Variants in KPNB1 observed in about 807,000 individuals in gnomAD.
KPNB1 encodes karyopherin subunit beta 1.
Under a neutral mutation model 113.0 loss-of-function variants are expected in KPNB1, and 7 were observed. That is an observed-to-expected ratio of 0.06 (90% CI 0.04 to 0.12). The LOEUF (loss-of-function observed/expected upper bound fraction) is 0.12. Ranked by LOEUF, KPNB1 falls within the 10% of genes least tolerant of loss-of-function variation. The pLI, the probability that KPNB1 is intolerant of heterozygous loss-of-function variation, is 1.00. For synonymous variants in KPNB1, 363 were observed against 378.6 expected, an observed-to-expected ratio of 0.96 and a Z score of 0.48; for missense variants, 400 against 1,054.8, an observed-to-expected ratio of 0.38 and a Z score of 8.60.
intron 6 of KPNB1, among the ~76,000 whole-genome samples, chr17:47,661,556 C>A (rs1033343612): frequency 6.6e-6 from 1 of 152,148 alleles, no homozygotes; most frequent in African/African-American, 2.4e-5. Flanking sequence ...GAGCCAAGAT[C>A]ATGCCACTGC....
chr17:47,663,413 C>T (rs537302477), intron 7 of KPNB1, among the ~76,000 whole-genome samples: 53 of 152,274 alleles, frequency 3.5e-4, no homozygotes, highest in Admixed American at 1.6e-3. Flanking sequence ...CCTGTAATCC[C>T]AGCACTTTGG....
intron 6 of KPNB1, 45 bp downstream of exon 6, chr17:47,661,223 G>A (rs1183382361): frequency 1.4e-6 from 2 of 1,396,680 alleles, no homozygotes; most frequent in African/African-American, 2.8e-5. Context: ...ATCTTTCTTA[G>A]GAAATGTCAA....
At chr17:47,682,296 A>G in intron 21 of KPNB1, 108 bp from the exon 22 acceptor site, 1 of 747,906 alleles carries the variant, frequency 1.3e-6, no homozygotes. Context: ...TGAAATGTTG[A>G]CAAATTCCAT....
In KPNB1 at chr17:47,650,107, A is replaced by G; in HGVS notation, c.-138A>G. On this transcript the variant is annotated 5_prime_UTR_variant, in exon 1 of 22. The change abolishes an upstream ATG in the 5' untranslated region. Transcript: ENST00000290158. ...CCGACTACCCAGACAGAGCCGGTGAATGGGTTTGTGGTGACCCCCGCCCCC... is the reference window on the plus strand; with the variant it reads ...CCGACTACCCAGACAGAGCCGGTGAGTGGGTTTGTGGTGACCCCCGCCCCC... 7.3e-7 allele frequency: 1 copy of G among 1,369,202 alleles called. No individual in the cohort carries two copies. Among genetic ancestry groups the G allele is most frequent in the Non-Finnish European group, 9.4e-7 (1 of 1,062,272 alleles). The allele number at this position is 1,369,202 out of a possible 1,614,324, so 84.8% of individuals were successfully genotyped here. A position where few individuals can be genotyped will look rare whatever the true frequency, so the allele number is the denominator to read the frequency against.
chr17:47,652,338 A>G (rs1048777985), intron 2 of KPNB1, among the ~76,000 whole-genome samples: 4 of 152,208 alleles, frequency 2.6e-5, no homozygotes, highest in Non-Finnish European at 4.4e-5. Context: ...TTCTTGGGAC[A>G]CCTCAGTATA....
chr17:47,652,395 G>A (rs1314940887), intron 2 of KPNB1, among the ~76,000 whole-genome samples: 4 of 152,054 alleles, frequency 2.6e-5, no homozygotes, highest in African/African-American at 4.8e-5. Flanking sequence ...CTTGCAATTC[G>A]GGGGTCTAAC....
At chr17:47,664,034 C>G (rs961988195) in intron 7 of KPNB1, 125 bp from the exon 8 acceptor site, 12 of 591,698 alleles carry the variant, frequency 2.0e-5, no homozygotes, top group East Asian at 1.2e-4. Context: ...TCTTTTCTTT[C>G]AAGCCTAGCT....
chr17:47,663,829 AC>A (rs892008106), intron 7 of KPNB1, among the ~76,000 whole-genome samples: 2 of 151,122 alleles, frequency 1.3e-5, no homozygotes, highest in African/African-American at 4.9e-5. Context: ...TACAAAAAAT[AC>A]AAAAATAAGC....
In KPNB1 at chr17:47,683,077, A is replaced by G. The variant is rs2030832332; in HGVS notation, c.*673A>G. 7.8e-6 allele frequency: 1 copy of G among 127,720 alleles called. No homozygotes were observed. Among genetic ancestry groups the G allele is most frequent in the African/African-American group, 2.9e-5 (1 of 34,156 alleles). The allele number at this position is 127,720 out of a possible 1,614,324, so 7.9% of individuals were successfully genotyped here. ...TAACCGAAGTTTTGTTTACTGATGC[A>G]GCACAAGAGATGTAAAAAAAAAAAA... On this transcript the variant is annotated 3_prime_UTR_variant, in exon 22 of 22. Transcript: ENST00000290158.
rs1336456031 is a variant in KPNB1 at position 47,650,167 on chromosome 17, C to G, written c.-78C>G. ...CTCCCTTCCCACCCGACCCCCAACCCCCATCCCCAGTTCGAGCCGCCGCCC... is the reference window on the plus strand; with the variant it reads ...CTCCCTTCCCACCCGACCCCCAACCGCCATCCCCAGTTCGAGCCGCCGCCC... On this transcript the variant is annotated 5_prime_UTR_variant, in exon 1 of 22. Coordinates refer to ENST00000290158, the MANE Select transcript of KPNB1 (RefSeq NM_002265.6). The G allele has an allele frequency of 1.4e-6, 2 of 1,454,798 alleles. No homozygotes were observed. The highest frequency in any genetic ancestry group is 1.4e-5 in the South Asian group (1 of 72,604). 90.1% of individuals were successfully genotyped at this position (1,454,798 alleles called of 1,614,324 possible).
intron 4 of KPNB1, among the ~76,000 whole-genome samples, chr17:47,657,704 A>G (rs1453166578): frequency 6.6e-6 from 1 of 152,230 alleles, no homozygotes. Flanking sequence ...CCATTTGCAC[A>G]GAAGTGGGGA....
At chr17:47,663,723 G>A (rs1404296502) in intron 7 of KPNB1, among the ~76,000 whole-genome samples, 1 of 152,062 alleles carries the variant, frequency 6.6e-6, no homozygotes. Context: ...GGTGGCTCAC[G>A]CCTGTAATCC....
intron 15 of KPNB1, 87 bp from the exon 16 acceptor site, chr17:47,676,322 T>G: frequency 1.1e-6 from 1 of 903,196 alleles, no homozygotes; most frequent in Non-Finnish European, 1.9e-6. Flanking sequence ...AGCGAGTACA[T>G]TTTGGGAGAG....
Position 47,658,249 on chromosome 17 carries a change from C to A in KPNB1, c.484-259C>A, listed in dbSNP as rs1426894153. 2.6e-5 allele frequency among the ~76,000 whole-genome samples: 4 copies of A among 152,182 alleles called. No homozygotes were observed. In the South Asian group the frequency reaches 8.3e-4, roughly 32 times the overall value. ...TGCATATAACCTATGCACATCCTCC[C>A]ATATACTTTAAATCATCTCTAGAAT... On this transcript the variant is annotated intron_variant, in intron 4 of 21. Transcript: ENST00000290158.
intron 5 of KPNB1, among the ~76,000 whole-genome samples, chr17:47,660,567 A>G (rs1056983427): frequency 5.9e-5 from 9 of 152,236 alleles, no homozygotes; most frequent in African/African-American, 2.2e-4. Context: ...TGACTTTGGA[A>G]AGGTCTGAAA....
At chr17:47,661,245 G>A in intron 6 of KPNB1, 67 bp downstream of exon 6, 1 of 1,152,068 alleles carries the variant, frequency 8.7e-7, no homozygotes, top group South Asian at 1.2e-5. Context: ...TCTAATATAA[G>A]TTTGAAATAC....
intron 5 of KPNB1, among the ~76,000 whole-genome samples, chr17:47,659,342 G>C (rs1448804785): frequency 6.6e-6 from 1 of 151,758 alleles, no homozygotes; most frequent in Non-Finnish European, 1.5e-5. Flanking sequence ...GAGCAAGACT[G>C]TCTCAAAAAA....
At position 47,678,033 on chromosome 17, in the gene KPNB1, T is replaced by C. The variant is rs1249052372; in HGVS notation, c.2104-13T>C. On this transcript the variant is annotated splice_polypyrimidine_tract_variant and intron_variant, in intron 17 of 21. Coordinates refer to ENST00000290158, the MANE Select transcript of KPNB1 (RefSeq NM_002265.6). ...TTTTGACTTAATTCACTTTTCCTTT[T>C]GTTCCTTGTCAGAATGAGAACGTCC... 2 of 1,607,338 alleles carry C rather than the reference T, an allele frequency of 1.2e-6. No homozygotes were observed. The highest frequency in any genetic ancestry group is 3.4e-5 in the Admixed American group (2 of 58,158).
chr17:47,654,088 C>A (rs747107548), intron 3 of KPNB1, among the ~76,000 whole-genome samples: 1 of 152,048 alleles, frequency 6.6e-6, no homozygotes, highest in Admixed American at 6.6e-5. Context: ...TTTTTTGGCA[C>A]ATCACTCTTA....
Sources: gnomAD v4.1 joint callset for allele counts (sites outside exome capture counted in the v4.1 genomes callset) on GRCh38, gnomAD v4.1.1 for gene constraint, MANE v1.5 for transcripts, NCBI Gene and HGNC (gene_info 2026-07-23, HGNC 2026-07-21) for gene names.